SRGAP2: variants seen among roughly 807,000 people sequenced by gnomAD.
The protein encoded by SRGAP2 is SLIT-ROBO Rho GTPase-activating protein 2.
Under a neutral mutation model 57.2 loss-of-function variants are expected in SRGAP2, and 15 were observed. That is an observed-to-expected ratio of 0.26 (90% CI 0.18 to 0.40). SRGAP2 has a LOEUF of 0.40. Among genes scored for constraint, SRGAP2 ranks in the 10% least tolerant of loss-of-function variants. The pLI is 1.00. For missense variants in SRGAP2, 520 were observed against 669.6 expected, an observed-to-expected ratio of 0.78 and a Z score of 2.47; for synonymous variants, 249 against 248.0, an observed-to-expected ratio of 1.00 and a Z score of -0.04.
At chr1:206,449,906 A>C (rs1663118499) in intron 18 of SRGAP2, among the ~76,000 whole-genome samples, 1 of 152,224 alleles carries the variant, frequency 6.6e-6, no homozygotes, top group Non-Finnish European at 1.5e-5. Context: ...TATCTTCAGT[A>C]TATAGATGAG....
intron 2 of SRGAP2, among the ~76,000 whole-genome samples, chr1:206,265,872 C>T (rs1343703794): frequency 4.8e-5 from 7 of 146,436 alleles, no homozygotes; most frequent in Non-Finnish European, 1.1e-4. Flanking sequence ...AAATTGAGAC[C>T]TCTGCCATTC....
chr1:206,458,399 G>A (rs189775597), intron 21 of SRGAP2: 11 of 700,572 alleles, frequency 1.6e-5, no homozygotes, highest in East Asian at 5.6e-5. Context: ...CACAAAGCCC[G>A]TGACCACCAA....
In SRGAP2 at chr1:206,318,915, G is replaced by T. The variant is rs546964901; in HGVS notation, c.260+15442G>T. On this transcript the variant is annotated intron_variant, in intron 3 of 22. Transcript: ENST00000573034. ...GAATCACATTTCAACATGAGATTTG[G>T]GGGGGGACAGACATCCAAACCATAT... Among the ~76,000 whole-genome samples, 10 of 151,874 alleles carry T rather than the reference G, an allele frequency of 6.6e-5. No individual in the cohort carries two copies. In the East Asian group the frequency reaches 1.5e-3, roughly 23 times the overall value.
In SRGAP2 at chr1:206,327,242, G is replaced by A. The variant is rs1358801648; in HGVS notation, c.261-15604G>A. Among the ~76,000 whole-genome samples, 8 of 151,726 alleles carry A rather than the reference G, an allele frequency of 5.3e-5. No homozygotes were observed. The South Asian group carries it at 6.2e-4, about 12-fold the overall frequency. On this transcript the variant is annotated intron_variant, in intron 3 of 22. Transcript: ENST00000573034. ...CTCAGGAGGCTGAGGCAGGAGAATC[G>A]CTTGAACCCAGGAGGCGGAGGTTGC... is the stretch of plus-strand genomic sequence containing the variant.
intron 2 of SRGAP2, among the ~76,000 whole-genome samples, chr1:206,220,528 A>G (rs558705674): frequency 3.9e-5 from 6 of 152,198 alleles, no homozygotes; most frequent in Non-Finnish European, 8.8e-5. Flanking sequence ...ACAGTTCTTC[A>G]GTGTTAATCA....
At position 206,306,385 on chromosome 1, in the gene SRGAP2, C is replaced by T. The variant is rs1367299160; in HGVS notation, c.260+2912C>T. On this transcript the variant is annotated intron_variant, in intron 3 of 22. Coordinates refer to ENST00000573034, the MANE Select transcript of SRGAP2 (RefSeq NM_015326.5). Reference sequence around the variant, plus strand: ...TTAAGGCAGCGCGTCTGGAGTTGTTCGTTCCTCCCGGTGGGCTTGTGGCCT... The same window carrying T: ...TTAAGGCAGCGCGTCTGGAGTTGTTTGTTCCTCCCGGTGGGCTTGTGGCCT... 5.9e-5 allele frequency among the ~76,000 whole-genome samples: 9 copies of T among 151,992 alleles called. No individual in the cohort carries two copies. The South Asian group carries it at 1.5e-3, about 25-fold the overall frequency.
At chr1:206,441,276 C>T (rs1553371938) in intron 17 of SRGAP2, among the ~76,000 whole-genome samples, 4 of 152,094 alleles carry the variant, frequency 2.6e-5, no homozygotes, top group African/African-American at 9.7e-5. Flanking sequence ...AGGGAGAAAC[C>T]AGGAGTGGAG....
At chr1:206,434,864 T>A (rs1214649389) in intron 14 of SRGAP2, among the ~76,000 whole-genome samples, 2 of 152,230 alleles carry the variant, frequency 1.3e-5, no homozygotes, top group Non-Finnish European at 2.9e-5. Context: ...TGACGCTCTT[T>A]CAAGAATTTG....
chr1:206,461,279 C>G lies in SRGAP2; in HGVS notation c.3075C>G (p.Val1025=), dbSNP rs373713685. The G allele has an allele frequency of 2.9e-5, 23 of 780,844 alleles. No individual in the cohort carries two copies. The highest frequency in any genetic ancestry group is 5.3e-5 in the Non-Finnish European group (22 of 418,012). The allele number at this position is 780,844 out of a possible 1,614,324, so 48.4% of individuals were successfully genotyped here. A position where few individuals can be genotyped will look rare whatever the true frequency, so the allele number is the denominator to read the frequency against. ...AGDIACAFRP[V]KSVKMAAPVK... ...ACATCGCCTGCGCCTTCCGGCCTGT[C>G]AAGTCTGTCAAGATGGCTGCCCCGG... Residue 1025 remains valine (V), a synonymous_variant, in exon 23 of 23, where the codon GTC becomes GTG. Transcript: ENST00000573034.
intron 17 of SRGAP2, among the ~76,000 whole-genome samples, chr1:206,442,818 A>T (rs1286329122): frequency 1.3e-5 from 2 of 152,214 alleles, no homozygotes; most frequent in African/African-American, 4.8e-5. Flanking sequence ...ACTTCCGGAC[A>T]GGGGTAGCAA....
chr1:206,366,515 G>T (rs1167286854), intron 4 of SRGAP2, among the ~76,000 whole-genome samples: 1 of 151,858 alleles, frequency 6.6e-6, no homozygotes, highest in Admixed American at 6.6e-5. Context: ...GGGTGGGGAC[G>T]ATCATGGGGA....
chr1:206,306,150 G>A (rs1254743390), intron 3 of SRGAP2, among the ~76,000 whole-genome samples: 4 of 152,098 alleles, frequency 2.6e-5, no homozygotes, highest in Non-Finnish European at 5.9e-5. Context: ...AAGTCATCTT[G>A]TGTCCGGAAT....
intron 3 of SRGAP2, chr1:206,333,529 CTATT>C (rs1319041621): frequency 1.2e-5 from 12 of 1,012,808 alleles, no homozygotes; most frequent in South Asian, 1.1e-4. Flanking sequence ...ACCTCCGTCT[CTATT>C]TATTTATTTT....
At chr1:206,311,438 G>T (rs1672633702) in intron 3 of SRGAP2, among the ~76,000 whole-genome samples, 1 of 152,200 alleles carries the variant, frequency 6.6e-6, no homozygotes. Flanking sequence ...AAATGCCAGT[G>T]CTAGGCATTG....
chr1:206,438,298 A>AC (rs200196385), intron 16 of SRGAP2, among the ~76,000 whole-genome samples, 200 bp downstream of exon 16: 1,871 of 145,810 alleles, frequency 0.013, 20 homozygotes, highest in South Asian at 0.027. Flanking sequence ...AGAATCTAGG[A>AC]CCCCCCAAGT....
At chr1:206,283,113 C>T (rs1205714959) in intron 2 of SRGAP2, among the ~76,000 whole-genome samples, 1 of 151,980 alleles carries the variant, frequency 6.6e-6, no homozygotes, top group Non-Finnish European at 1.5e-5. Flanking sequence ...ACTTTTCCTG[C>T]CTTCTTCCCA....
At position 206,437,972 on chromosome 1, in the gene SRGAP2, C is replaced by T; in HGVS notation, c.1642C>T (p.Pro548Ser). 1.3e-6 allele frequency: 1 copy of T among 780,788 alleles called. No individual in the cohort carries two copies. Among genetic ancestry groups the T allele is most frequent in the Non-Finnish European group, 2.4e-6 (1 of 417,942 alleles). The allele number at this position is 780,788 out of a possible 1,614,324, so 48.4% of individuals were successfully genotyped here. A position where few individuals can be genotyped will look rare whatever the true frequency, so the allele number is the denominator to read the frequency against. Residue 548 changes from proline to serine, a missense_variant, in exon 16 of 23, where the codon CCC becomes TCC. Pro to Ser is a moderately conservative substitution (Grantham distance 74). This residue lies in a region of SRGAP2 where 478 missense variants were observed against 373.6 expected (regional missense o/e 1.28). Coordinates refer to ENST00000573034, the MANE Select transcript of SRGAP2 (RefSeq NM_015326.5). Reference protein sequence around the residue: ...IKNAFERGEDPLAGDQNDHDM... With the variant: ...IKNAFERGEDSLAGDQNDHDM... ...GGGTTGCTTATCCTCAGGAGAGGAC[C>T]CCCTGGCTGGGGACCAGAACGACCA...
At chr1:206,270,632 G>A (rs1272583734) in intron 2 of SRGAP2, among the ~76,000 whole-genome samples, 4 of 148,184 alleles carry the variant, frequency 2.7e-5, no homozygotes, top group Non-Finnish European at 4.4e-5. Context: ...GCATAGCTAT[G>A]CAGTGGAATG....
At chr1:206,257,745 CATATATATATACTATAT>C (rs1445434285) in intron 2 of SRGAP2, among the ~76,000 whole-genome samples, 1 of 81,224 alleles carries the variant, frequency 1.2e-5, no homozygotes, top group Non-Finnish European at 2.6e-5. Flanking sequence ...TATATATATA[CATATATATATACTATAT>C]ATATACATGC....
Sources: gnomAD v4.1 joint callset for allele counts (sites outside exome capture counted in the v4.1 genomes callset) on GRCh38, gnomAD v4.1.1 for gene constraint, gnomAD v4.1.1 regional missense constraint, MANE v1.5 for transcripts, NCBI Gene and HGNC (gene_info 2026-07-23, HGNC 2026-07-21) for gene names.